RGS8: variants seen among roughly 807,000 people sequenced by gnomAD.
RGS8 encodes regulator of G-protein signaling 8.
A neutral mutation model predicts 21.7 loss-of-function variants in RGS8; 8 were observed. That is an observed-to-expected ratio of 0.37 (90% confidence interval 0.22 to 0.66). The LOEUF (loss-of-function observed/expected upper bound fraction) is 0.66, where lower values mean the gene tolerates loss of function less well. Ranked by LOEUF, RGS8 falls within the 30% of genes least tolerant of loss-of-function variation. The probability of loss-of-function intolerance (pLI) is 0.59; values close to 1 mark genes in which losing one functional copy is unlikely to be tolerated. For missense variants in RGS8, 157 were observed against 217.9 expected, an observed-to-expected ratio of 0.72 and a Z score of 1.76; for synonymous variants, 80 against 83.6, an observed-to-expected ratio of 0.96 and a Z score of 0.24.
chr1:182,670,008 G>T (rs994096435), intron 2 of RGS8, among the ~76,000 whole-genome samples: 2 of 152,248 alleles, frequency 1.3e-5, no homozygotes, highest in South Asian at 2.1e-4. Flanking sequence ...AAAGTGGAAC[G>T]TGTGCCTCAG....
the RGS8 span, among the ~76,000 whole-genome samples, chr1:182,728,248 A>C: frequency 6.6e-6 from 1 of 152,266 alleles, no homozygotes; most frequent in Non-Finnish European, 1.5e-5. Context: ...AGCAAAGCCA[A>C]GCTTCAGTGC....
the RGS8 span, chr1:182,733,748 C>T: frequency 6.6e-6 from 1 of 152,124 alleles, no homozygotes; most frequent in Non-Finnish European, 1.5e-5. Context: ...CAGTGTTCAT[C>T]TACACTGTCC....
chr1:182,689,234 C>G (rs1239217630), upstream of RGS8, among the ~76,000 whole-genome samples: 1 of 151,598 alleles, frequency 6.6e-6, no homozygotes, highest in African/African-American at 2.4e-5. Context: ...CTCTCTCTCT[C>G]TCTCTCGTGC....
the RGS8 span, among the ~76,000 whole-genome samples, chr1:182,741,012 C>G: frequency 4.6e-4 from 67 of 145,944 alleles, no homozygotes; most frequent in Middle Eastern, 3.7e-3. Context: ...CCTTTCCCCC[C>G]TTTCTATTCT....
At chr1:182,670,447 A>C (rs1050956266) in intron 2 of RGS8, among the ~76,000 whole-genome samples, 4 of 152,218 alleles carry the variant, frequency 2.6e-5, no homozygotes, top group Non-Finnish European at 5.9e-5. Context: ...TTGAGGTTGA[A>C]AGCTGATTGA....
At chr1:182,698,210 G>A in the RGS8 span, among the ~76,000 whole-genome samples, 147 of 152,274 alleles carry the variant, frequency 9.7e-4, no homozygotes, top group Non-Finnish European at 1.8e-3. Context: ...GCCACAAACC[G>A]GTTGGTGGTC....
At chr1:182,724,244 A>ATATATATC in the RGS8 span, among the ~76,000 whole-genome samples, 2 of 119,736 alleles carry the variant, frequency 1.7e-5, no homozygotes, top group Non-Finnish European at 3.4e-5. Flanking sequence ...ATATATATAT[A>ATATATATC]TATCCTATTA....
upstream of RGS8, among the ~76,000 whole-genome samples, chr1:182,685,411 A>T (rs1315535455): frequency 6.6e-6 from 1 of 152,250 alleles, no homozygotes; most frequent in Non-Finnish European, 1.5e-5. Context: ...CCTGCCATGC[A>T]CATGAGGCAG....
At chr1:182,704,268 A>G in the RGS8 span, among the ~76,000 whole-genome samples, 2 of 152,236 alleles carry the variant, frequency 1.3e-5, no homozygotes, top group African/African-American at 2.4e-5. Flanking sequence ...AACTCTCAGG[A>G]CAATGGGTTG....
chr1:182,665,210 A>G (rs1381159271), intron 5 of RGS8, among the ~76,000 whole-genome samples: 1 of 152,026 alleles, frequency 6.6e-6, no homozygotes, highest in African/African-American at 2.4e-5. Context: ...CTCTTCCTCA[A>G]CCCTGCTCTG....
At chr1:182,679,382 C>T (rs558723035) in intron 1 of RGS8, among the ~76,000 whole-genome samples, 2 of 152,066 alleles carry the variant, frequency 1.3e-5, no homozygotes, top group African/African-American at 4.8e-5. Flanking sequence ...CCATGGTGAC[C>T]ATTCATTTCT....
the RGS8 span, among the ~76,000 whole-genome samples, chr1:182,704,926 A>G: frequency 6.6e-6 from 1 of 152,140 alleles, no homozygotes; most frequent in Non-Finnish European, 1.5e-5. Context: ...AGGTGTGAAC[A>G]TGGGTCCCAG....
chr1:182,744,807 C>A, the RGS8 span, among the ~76,000 whole-genome samples: 8 of 152,186 alleles, frequency 5.3e-5, no homozygotes, highest in African/African-American at 1.4e-4. Context: ...CTATGCATGT[C>A]TGTATTTACA....
intron 5 of RGS8, among the ~76,000 whole-genome samples, chr1:182,660,516 C>G (rs1287147262): frequency 4.6e-5 from 7 of 151,834 alleles, no homozygotes; most frequent in Non-Finnish European, 8.8e-5. Flanking sequence ...TTTTCTAGCT[C>G]TTATCCTGAA....
chr1:182,699,710 G>A, the RGS8 span, among the ~76,000 whole-genome samples: 1 of 152,118 alleles, frequency 6.6e-6, no homozygotes, highest in African/African-American at 2.4e-5. Flanking sequence ...CGGGATTACC[G>A]GGGAGGGATA....
At chr1:182,644,027 G>A (rs1264680606), downstream of RGS8, 3 of 152,426 alleles carry the variant, frequency 2.0e-5, no homozygotes, top group Non-Finnish European at 4.4e-5. Context: ...AAGGAAGACA[G>A]GAAATAAATG....
Position 182,684,405 on chromosome 1 carries a change from C to G in RGS8, n.172G>C, listed in dbSNP as rs1046089108. The G allele has an allele frequency of 4.6e-5, 7 of 152,438 alleles. No homozygotes were observed. Among genetic ancestry groups the G allele is most frequent in the Non-Finnish European group, 8.8e-5 (6 of 68,232 alleles). 9.4% of individuals were successfully genotyped at this position (152,438 alleles called of 1,614,324 possible). A position where few individuals can be genotyped will look rare whatever the true frequency, so the allele number is the denominator to read the frequency against. On this transcript the variant is annotated non_coding_transcript_exon_variant, in exon 1 of 5. Transcript: ENST00000515211. The surrounding 1 kb of genome is among the most constrained non-coding windows in gnomAD (Gnocchi z 4.2). Reference sequence around the variant, plus strand: ...AAGGTGTGGCTGGTGCGGGCCCCAGCTGGGCATGGTTCGGTGAGGCCCTGA... The same window carrying G: ...AAGGTGTGGCTGGTGCGGGCCCCAGGTGGGCATGGTTCGGTGAGGCCCTGA...
the RGS8 span, among the ~76,000 whole-genome samples, chr1:182,741,807 T>C: frequency 3.1e-5 from 3 of 97,906 alleles, no homozygotes; most frequent in African/African-American, 1.1e-4. Flanking sequence ...GAGGGGCTCC[T>C]CACTTCCCAG....
intron 1 of RGS8, among the ~76,000 whole-genome samples, chr1:182,683,381 G>A (rs1466245842): frequency 6.6e-6 from 1 of 152,116 alleles, no homozygotes; most frequent in African/African-American, 2.4e-5. Flanking sequence ...CCACTTGCCA[G>A]CACCTCCTCC....
Sources: allele counts gnomAD v4.1 joint callset (sites outside exome capture counted in the v4.1 genomes callset), GRCh38; gene constraint gnomAD v4.1.1; non-coding constraint Gnocchi (gnomAD v3.1); transcripts MANE v1.5; gene names NCBI Gene and HGNC (gene_info 2026-07-23, HGNC 2026-07-21).